IGF2BP3: variants seen among roughly 807,000 people sequenced by gnomAD.
The protein encoded by IGF2BP3 is insulin-like growth factor 2 mRNA-binding protein 3.
IGF2BP3 carries 9 observed loss-of-function variants against 73.8 expected under a neutral mutation model. The ratio of observed to expected loss-of-function variants is 0.12; its 90% CI spans 0.07 to 0.21. The LOEUF (loss-of-function observed/expected upper bound fraction) is 0.21, where lower values mean the gene tolerates loss of function less well. Ranked by LOEUF, IGF2BP3 falls within the 10% of genes least tolerant of loss-of-function variation. IGF2BP3 has a pLI of 1.00. For missense variants in IGF2BP3, 542 were observed against 714.0 expected, an observed-to-expected ratio of 0.76 and a Z score of 2.75; for synonymous variants, 258 against 256.7, an observed-to-expected ratio of 1.01 and a Z score of -0.05.
Position 23,353,827 on chromosome 7 carries a change from T to TC in IGF2BP3, c.402-2242dup, listed in dbSNP as rs571621409. ...AAGTTAACGCTGTACTTTCCTCCTGTCCCCTTTTTTTCTTAAGGGAATGTG... is the reference window on the plus strand; with the variant it reads ...AAGTTAACGCTGTACTTTCCTCCTGTCCCCCTTTTTTTCTTAAGGGAATGTG... On this transcript the variant is annotated intron_variant, in intron 5 of 14. Transcript: ENST00000258729. Among the ~76,000 whole-genome samples, 6 of 152,334 alleles carry TC rather than the reference T, an allele frequency of 3.9e-5. No individual in the cohort carries two copies. In the East Asian group the frequency reaches 1.2e-3, roughly 29 times the overall value.
intron 3 of IGF2BP3, among the ~76,000 whole-genome samples, chr7:23,399,571 C>G (rs764968128): frequency 2.0e-5 from 3 of 152,056 alleles, no homozygotes; most frequent in Non-Finnish European, 2.9e-5. Context: ...ATTTCAGACT[C>G]CTGGCTTCTA....
chr7:23,342,287 T>C (rs1221805502), intron 9 of IGF2BP3, 98 bp from the exon 10 acceptor site: 1 of 1,319,146 alleles, frequency 7.6e-7, no homozygotes, highest in African/African-American at 1.5e-5. Flanking sequence ...TCTTGTCTAA[T>C]AAAGAAATGA....
chr7:23,333,326 A>C (rs1784488523), intron 10 of IGF2BP3, among the ~76,000 whole-genome samples: 1 of 152,222 alleles, frequency 6.6e-6, no homozygotes. Flanking sequence ...TTCAGAGAGC[A>C]ATTCCTAAAT....
intron 2 of IGF2BP3, among the ~76,000 whole-genome samples, chr7:23,436,254 T>A (rs1448116274): frequency 1.3e-5 from 2 of 152,258 alleles, no homozygotes; most frequent in African/African-American, 2.4e-5. Context: ...TCATGTTTTT[T>A]AATATGTAAT....
At chr7:23,372,438 T>C (rs906691448) in intron 3 of IGF2BP3, among the ~76,000 whole-genome samples, 1 of 152,142 alleles carries the variant, frequency 6.6e-6, no homozygotes, top group African/African-American at 2.4e-5. Flanking sequence ...AGGTAGTGTA[T>C]ACTGTACCCA....
rs1415995179 is a variant in IGF2BP3 at position 23,403,144 on chromosome 7, A to C, written c.285+15632T>G. On this transcript the variant is annotated intron_variant, in intron 3 of 14. Coordinates refer to ENST00000258729, the MANE Select transcript of IGF2BP3 (RefSeq NM_006547.3). ...ATTGCTCAGTTTTCATATATACTGC[A>C]TCTTCCAAAACTGTATCATGTAAAT... Among the ~76,000 whole-genome samples the C allele has an allele frequency of 2.0e-5, 3 of 152,234 alleles. No homozygotes were observed. The East Asian group carries it at 5.8e-4, about 29-fold the overall frequency.
At chr7:23,433,365 A>G (rs1420199243) in intron 2 of IGF2BP3, among the ~76,000 whole-genome samples, 2 of 152,196 alleles carry the variant, frequency 1.3e-5, no homozygotes, top group Non-Finnish European at 2.9e-5. Context: ...TCTGAATTGA[A>G]TCGTTCTGTA....
chr7:23,442,062 G>C (rs573120085), intron 2 of IGF2BP3, among the ~76,000 whole-genome samples: 1 of 152,218 alleles, frequency 6.6e-6, no homozygotes, highest in Non-Finnish European at 1.5e-5. Context: ...GGGAGGCAGA[G>C]GCTGCAGTCA....
rs768787847 is a variant in IGF2BP3 at position 23,351,319 on chromosome 7, T to G, written c.669A>C (p.Lys223Asn). ...KEGATIRNIT[K>N]QTQSKIDVHR... is the part of the protein sequence containing the mutation. ...AGCATACTCACTTAGACTGGGTCTG[T>G]TTGGTGATGTTCCGAATGGTGGCAC... Residue 223 changes from lysine (K) to asparagine (N), a missense_variant, in exon 6 of 15, where the codon AAA becomes AAC. Around this residue, in one of 2 missense-constraint regions of IGF2BP3, gnomAD observed 303 missense variants for 472.1 expected, o/e 0.64. Transcript: ENST00000258729. 3.7e-6 allele frequency: 6 copies of G among 1,613,846 alleles called. No individual in the cohort carries two copies. Among genetic ancestry groups the G allele is most frequent in the Non-Finnish European group, 4.2e-6 (5 of 1,179,836 alleles).
chr7:23,323,234 G>A (rs1784206717), intron 10 of IGF2BP3, among the ~76,000 whole-genome samples: 2 of 151,422 alleles, frequency 1.3e-5, no homozygotes, highest in Admixed American at 1.3e-4. Context: ...GATCTACCAA[G>A]CAAATGGAAA....
chr7:23,437,748 T>C (rs1562753601), intron 2 of IGF2BP3, among the ~76,000 whole-genome samples: 1 of 152,150 alleles, frequency 6.6e-6, no homozygotes, highest in African/African-American at 2.4e-5. Context: ...ATTTCACCAA[T>C]ATTGAGAACA....
rs558591601 is a variant in IGF2BP3, at chr7:23,318,003, G to A, written c.1321-290C>T. Among the ~76,000 whole-genome samples, 11 of 152,178 alleles carry A rather than the reference G, an allele frequency of 7.2e-5. No individual in the cohort carries two copies. The South Asian group carries it at 1.2e-3, about 17-fold the overall frequency. ...AGTATTACCTCCACTTCACAAATGC[G>A]GAAATGGAAGGCTGGAGAAATTGAG... On this transcript the variant is annotated intron_variant, in intron 11 of 14. Transcript: ENST00000258729.
chr7:23,360,553 T>A (rs1785200217), intron 5 of IGF2BP3, among the ~76,000 whole-genome samples: 1 of 152,192 alleles, frequency 6.6e-6, no homozygotes, highest in East Asian at 1.9e-4. Context: ...ACCATGTGAG[T>A]GTTATTGATT....
chr7:23,456,666 G>A (rs1382607517), intron 2 of IGF2BP3, among the ~76,000 whole-genome samples: 1 of 152,190 alleles, frequency 6.6e-6, no homozygotes, highest in African/African-American at 2.4e-5. Context: ...TGTTTGATGA[G>A]ACAGTTCTTA....
At chr7:23,355,428 A>G (rs1171737406) in intron 5 of IGF2BP3, among the ~76,000 whole-genome samples, 1 of 151,694 alleles carries the variant, frequency 6.6e-6, no homozygotes, top group African/African-American at 2.4e-5. Flanking sequence ...ACGGGGTTTC[A>G]CCATGTTGGT....
chr7:23,351,558 A>G lies in IGF2BP3; in HGVS notation c.430T>C (p.Leu144=). ...GCTACTTTCAAGGTGAAATTCTCTA[A>G]CTGAAATCCATTCAGTTTGTCTAGT... is the stretch of plus-strand genomic sequence containing the variant. ...QALDKLNGFQ[L]ENFTLKVAYI... Residue 144 remains leucine, a synonymous_variant, in exon 6 of 15, where the codon TTA becomes CTA. Transcript: ENST00000258729. The G allele has an allele frequency of 6.2e-7, 1 of 1,614,128 alleles. No individual in the cohort carries two copies. Among genetic ancestry groups the G allele is most frequent in the Non-Finnish European group, 8.5e-7 (1 of 1,180,026 alleles).
chr7:23,453,435 G>A (rs1280551085), intron 2 of IGF2BP3, among the ~76,000 whole-genome samples: 6 of 152,172 alleles, frequency 3.9e-5, no homozygotes, highest in Non-Finnish European at 4.4e-5. Flanking sequence ...AAAATGTGAC[G>A]TGTAATATAG....
chr7:23,417,995 T>C (rs1193232135), intron 3 of IGF2BP3, among the ~76,000 whole-genome samples: 1 of 152,200 alleles, frequency 6.6e-6, no homozygotes, highest in Non-Finnish European at 1.5e-5. Flanking sequence ...TTAGATCAAC[T>C]TCCCACCAAA....
intron 3 of IGF2BP3, among the ~76,000 whole-genome samples, chr7:23,365,439 C>A (rs1785345237): frequency 6.6e-6 from 1 of 152,114 alleles, no homozygotes; most frequent in Admixed American, 6.6e-5. Flanking sequence ...GATCTATAAA[C>A]AATACCGACT....
Sources: gnomAD v4.1 joint callset for allele counts (sites outside exome capture counted in the v4.1 genomes callset) on GRCh38, gnomAD v4.1.1 for gene constraint, gnomAD v4.1.1 regional missense constraint, MANE v1.5 for transcripts, NCBI Gene and HGNC (gene_info 2026-07-23, HGNC 2026-07-21) for gene names.